Variants in SHPRH observed in about 807,000 individuals in gnomAD.
SHPRH encodes the protein E3 ubiquitin-protein ligase SHPRH.
SHPRH carries 106 observed loss-of-function variants against 202.5 expected under a neutral mutation model. The ratio of observed to expected loss-of-function variants is 0.52; its 90% CI spans 0.45 to 0.62. The LOEUF (loss-of-function observed/expected upper bound fraction) is 0.62. Among genes scored for constraint, SHPRH ranks in the 20% least tolerant of loss-of-function variants. The probability of loss-of-function intolerance (pLI) is 0.00; values close to 1 mark genes in which losing one functional copy is unlikely to be tolerated. For missense variants in SHPRH, 1,710 were observed against 2,020.0 expected (o/e 0.85, Z 2.94); for synonymous variants, 729 against 686.0 (o/e 1.06, Z -0.98).
intron 2 of SHPRH, among the ~76,000 whole-genome samples, chr6:145,953,018 T>C (rs1286147166): frequency 1.3e-5 from 2 of 152,110 alleles, no homozygotes; most frequent in East Asian, 3.8e-4. Context: ...GCATTGATAT[T>C]TGGAAGCTAA....
chr6:145,914,770 G>A (rs1389098056), intron 23 of SHPRH, among the ~76,000 whole-genome samples: 4 of 151,918 alleles, frequency 2.6e-5, no homozygotes, highest in Admixed American at 2.0e-4. Context: ...AAACTTTTAG[G>A]GATTTATCCA....
rs779978260 is a variant in SHPRH, at chr6:145,886,721, T to C, written c.5022A>G (p.Leu1674=). The change falls in exon 30 of 30, where the codon CTA becomes CTG. Residue 1674 remains leucine, a synonymous_variant. Transcript: ENST00000275233. ...SVLTVADLAD[L]FTKETEELE The stretch of plus-strand genomic sequence containing the variant: ...CAAGCTCTTCAGTTTCTTTGGTAAA[T>C]AGGTCTGCCAGGTCAGCCACAGTCA... The C allele has an allele frequency of 5.0e-6, 8 of 1,613,722 alleles. No homozygotes were observed. Among genetic ancestry groups the C allele is most frequent in the Middle Eastern group, 3.3e-4 (2 of 6,054 alleles).
At chr6:145,918,037 TACA>T in intron 23 of SHPRH, 91 bp downstream of exon 23, 1 of 869,218 alleles carries the variant, frequency 1.2e-6, no homozygotes, top group African/African-American at 1.7e-5. Flanking sequence ...AAATACTAAT[TACA>T]ACAATTTGCA....
At chr6:145,864,988 G>A (rs993747844) in intron 2 of SHPRH, among the ~76,000 whole-genome samples, 4 of 150,976 alleles carry the variant, frequency 2.6e-5, no homozygotes, top group South Asian at 2.1e-4. Context: ...CTTTGAGACC[G>A]TGGTGCCTTT....
intron 4 of SHPRH, among the ~76,000 whole-genome samples, chr6:145,948,879 C>T (rs1787681105): frequency 6.6e-6 from 1 of 151,908 alleles, no homozygotes; most frequent in Admixed American, 6.6e-5. Context: ...TTTGTTTCTA[C>T]CAGAATCTTC....
At chr6:145,951,803 T>G (rs769763950) in intron 3 of SHPRH, 2 of 456,040 alleles carry the variant, frequency 4.4e-6, no homozygotes, top group South Asian at 3.1e-5. Context: ...TGAGCAGAAC[T>G]TGGAGAATTT....
chr6:145,927,967 TG>T (rs1234480624), intron 14 of SHPRH, among the ~76,000 whole-genome samples: 1 of 152,002 alleles, frequency 6.6e-6, no homozygotes, highest in Non-Finnish European at 1.5e-5. Context: ...GTATGGCCCA[TG>T]GGTCATTTCT....
rs535078722 is a variant in SHPRH at position 145,893,517 on chromosome 6, C to A, written c.4696-124G>T. On this transcript the variant is annotated intron_variant, in intron 27 of 29. Coordinates refer to ENST00000275233, the MANE Select transcript of SHPRH (RefSeq NM_001042683.3). ...ATTGTGAAAGGTAACAGCTAAGAAA[C>A]TTAAATGCAAAATTACCAACTTTAG... The A allele has an allele frequency of 1.1e-4, 95 of 888,042 alleles. No individual in the cohort carries two copies. In the African/African-American group the frequency reaches 1.5e-3, roughly 14 times the overall value. The allele number at this position is 888,042 out of a possible 1,614,324, so 55.0% of individuals were successfully genotyped here.
At position 145,941,557 on chromosome 6, in the gene SHPRH, C is replaced by T. The variant is rs9485035; in HGVS notation, c.2490+66G>A. 1.0e-3 allele frequency: 1,612 copies of T among 1,584,862 alleles called. 13 individuals are homozygous for T. In the African/African-American group the frequency reaches 0.019, roughly 19 times the overall value. On this transcript the variant is annotated intron_variant, in intron 10 of 29. Transcript: ENST00000275233. The stretch of plus-strand genomic sequence containing the variant: ...ACTATGCTTAAACTATTAAACTACT[C>T]AAGGTCCCCTAATTCCTTTTCACCC...
chr6:145,960,209 G>T (rs1271342220), intron 1 of SHPRH, among the ~76,000 whole-genome samples: 1 of 103,436 alleles, frequency 9.7e-6, no homozygotes, highest in East Asian at 3.4e-4. Flanking sequence ...TGTTCTTTAT[G>T]GCAATGGTTG....
At chr6:145,892,959 G>T (rs1017623422) in intron 28 of SHPRH, among the ~76,000 whole-genome samples, 1 of 151,682 alleles carries the variant, frequency 6.6e-6, no homozygotes, top group Non-Finnish European at 1.5e-5. Flanking sequence ...TTTTGTGGGA[G>T]GGAAGAAAAA....
Position 145,952,498 on chromosome 6 carries a change from A to G in SHPRH, c.634-20T>C. On this transcript the variant is annotated intron_variant, in intron 2 of 29. Coordinates refer to ENST00000275233, the MANE Select transcript of SHPRH (RefSeq NM_001042683.3). Reference sequence around the variant, plus strand: ...TCCAACCTAAAAACAATTAATCAAAATAAAAGTAGTTTCATTTGAAATATA... The same window carrying G: ...TCCAACCTAAAAACAATTAATCAAAGTAAAAGTAGTTTCATTTGAAATATA... 2 of 1,590,036 alleles carry G rather than the reference A, an allele frequency of 1.3e-6. No homozygotes were observed. The highest frequency in any genetic ancestry group is 2.2e-5 in the East Asian group (1 of 44,470).
chr6:145,863,457 A>G (rs544698519), downstream of SHPRH, among the ~76,000 whole-genome samples: 71 of 152,342 alleles, frequency 4.7e-4, no homozygotes, highest in Admixed American at 3.3e-3. Flanking sequence ...AGCTCCTTCA[A>G]CAAACAACTA....
chr6:145,922,557 A>G, intron 19 of SHPRH, 106 bp downstream of exon 19: 1 of 1,381,506 alleles, frequency 7.2e-7, no homozygotes, highest in Non-Finnish European at 9.7e-7. Context: ...TTCTGTCTCA[A>G]TTAAAATGAA....
chr6:145,937,159 T>A (rs938388783), intron 11 of SHPRH, among the ~76,000 whole-genome samples: 1 of 151,990 alleles, frequency 6.6e-6, no homozygotes, highest in Non-Finnish European at 1.5e-5. Flanking sequence ...AATTTTTGTA[T>A]TTTTAGTAGA....
chr6:145,870,198 C>G (rs185415883), intron 2 of SHPRH, among the ~76,000 whole-genome samples: 1 of 150,564 alleles, frequency 6.6e-6, no homozygotes, highest in East Asian at 2.0e-4. Context: ...TTAGTCTTCT[C>G]TTACAACCTT....
chr6:145,921,070 A>T, intron 21 of SHPRH, 97 bp downstream of exon 21: 1 of 1,062,600 alleles, frequency 9.4e-7, no homozygotes, highest in Non-Finnish European at 1.3e-6. Context: ...TCTCAAAAGA[A>T]GATTTTAAAA....
rs1784118007 is a variant in SHPRH, at chr6:145,918,210, A to G, written c.4175T>C (p.Leu1392Pro). Residue 1392 changes from leucine to proline, a missense_variant, in exon 23 of 30, where the codon CTA becomes CCA. Leu to Pro is a moderately conservative substitution (Grantham distance 98, BLOSUM62 -3). Coordinates refer to ENST00000275233, the MANE Select transcript of SHPRH (RefSeq NM_001042683.3). ...PHEVEQNRIK[L>P]LNDKAVATSQ... ...TGTAGCAACAGCTTTATCATTTAGT[A>G]GTTTTATTCGGTTTTGTTCTACCTA... 6.3e-7 allele frequency: 1 copy of G among 1,592,114 alleles called. No homozygotes were observed. Among genetic ancestry groups the G allele is most frequent in the Non-Finnish European group, 8.5e-7 (1 of 1,170,810 alleles).
downstream of SHPRH, among the ~76,000 whole-genome samples, chr6:145,860,298 T>C (rs1449027593): frequency 6.6e-6 from 1 of 152,014 alleles, no homozygotes; most frequent in Admixed American, 6.5e-5. Context: ...GTGAACTCAG[T>C]AAAGTTACAT....
Sources: allele counts gnomAD v4.1 joint callset (sites outside exome capture counted in the v4.1 genomes callset), GRCh38; gene constraint gnomAD v4.1.1; transcripts MANE v1.5; gene names NCBI Gene and HGNC (gene_info 2026-07-23, HGNC 2026-07-21).